BCAT1: variants seen among roughly 807,000 people sequenced by gnomAD.
BCAT1 encodes branched chain amino acid transaminase 1, also known as branched-chain-amino-acid aminotransferase, cytosolic.
Under a neutral mutation model 52.4 loss-of-function variants are expected in BCAT1, and 48 were observed. The ratio of observed to expected loss-of-function variants is 0.92; its 90% CI spans 0.73 to 1.16. The LOEUF is 1.16. Among genes scored for constraint, BCAT1 ranks in the 50% most tolerant of loss-of-function variants. The probability of loss-of-function intolerance (pLI) is 0.00; values close to 1 mark genes in which losing one functional copy is unlikely to be tolerated. For synonymous variants in BCAT1, 167 were observed against 161.3 expected, an observed-to-expected ratio of 1.04 and a Z score of -0.27; for missense variants, 451 against 457.1, an observed-to-expected ratio of 0.99 and a Z score of 0.12.
At chr12:24,930,926 A>C (rs1168434988) in intron 1 of BCAT1, among the ~76,000 whole-genome samples, 1 of 121,468 alleles carries the variant, frequency 8.2e-6, no homozygotes, top group African/African-American at 3.3e-5. Flanking sequence ...TTTGAGATAG[A>C]GTCTTGCTCT....
At chr12:24,946,893 C>A (rs535163414) in intron 1 of BCAT1, among the ~76,000 whole-genome samples, 1 of 152,146 alleles carries the variant, frequency 6.6e-6, no homozygotes, top group African/African-American at 2.4e-5. Context: ...AAGAGAAATT[C>A]TTGCGTAAAA....
intron 9 of BCAT1, among the ~76,000 whole-genome samples, chr12:24,831,041 G>A (rs907003092): frequency 6.6e-6 from 1 of 152,094 alleles, no homozygotes; most frequent in African/African-American, 2.4e-5. Flanking sequence ...AACTACACAA[G>A]TTCACTTATA....
intron 10 of BCAT1, among the ~76,000 whole-genome samples, chr12:24,818,647 T>C (rs1184682835): frequency 6.6e-6 from 1 of 152,206 alleles, no homozygotes; most frequent in Non-Finnish European, 1.5e-5. Flanking sequence ...TCCCATGGAT[T>C]TTAACAGAGA....
chr12:24,856,538 A>G (rs1229056158), intron 5 of BCAT1, among the ~76,000 whole-genome samples: 5 of 151,470 alleles, frequency 3.3e-5, no homozygotes, highest in African/African-American at 1.2e-4. Flanking sequence ...AGAAGAGGAA[A>G]AGACACCAGA....
chr12:24,916,784 C>G (rs950489983), intron 1 of BCAT1, among the ~76,000 whole-genome samples: 11 of 152,190 alleles, frequency 7.2e-5, no homozygotes, highest in African/African-American at 2.4e-4. Context: ...TGTGATCCAC[C>G]GGCCTCGCCC....
At chr12:24,836,344 C>G in intron 8 of BCAT1, 167 bp downstream of exon 8, 1 of 628,288 alleles carries the variant, frequency 1.6e-6, no homozygotes, top group Non-Finnish European at 2.7e-6. Context: ...TTTTAATAGT[C>G]TTGCCAAGAA....
chr12:24,885,788 T>C (rs1292402400), intron 3 of BCAT1, among the ~76,000 whole-genome samples: 1 of 152,100 alleles, frequency 6.6e-6, no homozygotes, highest in East Asian at 1.9e-4. Context: ...GAGGGGAAAG[T>C]ACCGCCCGTT....
intron 5 of BCAT1, among the ~76,000 whole-genome samples, chr12:24,868,359 T>C (rs1397400140): frequency 6.6e-6 from 1 of 152,206 alleles, no homozygotes; most frequent in Non-Finnish European, 1.5e-5. Flanking sequence ...TATCCGTATG[T>C]GCCAAAATGA....
At chr12:24,906,938 C>G (rs1267784882) in intron 1 of BCAT1, among the ~76,000 whole-genome samples, 3 of 152,158 alleles carry the variant, frequency 2.0e-5, no homozygotes, top group Admixed American at 2.0e-4. Flanking sequence ...AGCATGACAA[C>G]CAGTGAAAAT....
Position 24,881,426 on chromosome 12 carries a change from G to GA in BCAT1, c.280-16dup, listed in dbSNP as rs773152571. 3 of 1,554,184 alleles carry GA rather than the reference G, an allele frequency of 1.9e-6. No individual in the cohort carries two copies. Among genetic ancestry groups the GA allele is most frequent in the Middle Eastern group, 1.7e-4 (1 of 5,938 alleles). ...CCTTCAAATAACTGGAGATCAAAGA[G>GA]AAAAAATCTTAGAGGGTAACCAAAA... On this transcript the variant is annotated splice_polypyrimidine_tract_variant and intron_variant, in intron 3 of 10. Coordinates refer to ENST00000261192, the MANE Select transcript of BCAT1 (RefSeq NM_005504.7).
chr12:24,920,988 G>A (rs944301957), intron 1 of BCAT1, among the ~76,000 whole-genome samples: 3 of 152,116 alleles, frequency 2.0e-5, no homozygotes, highest in Non-Finnish European at 4.4e-5. Context: ...TTTTGTCCTC[G>A]TGGAGTTGGG....
intron 5 of BCAT1, among the ~76,000 whole-genome samples, chr12:24,866,467 G>C (rs376696370): frequency 1.3e-5 from 2 of 152,204 alleles, no homozygotes; most frequent in Non-Finnish European, 2.9e-5. Flanking sequence ...TCAACAGCCC[G>C]AGGGCTGAGG....
intron 1 of BCAT1, among the ~76,000 whole-genome samples, chr12:24,910,296 G>C (rs1231105001): frequency 7.9e-5 from 12 of 151,966 alleles, no homozygotes; most frequent in Non-Finnish European, 1.2e-4. Flanking sequence ...AGGATCACTT[G>C]AACCCAGGAG....
chr12:24,853,342 A>C (rs1941572279), intron 5 of BCAT1, among the ~76,000 whole-genome samples: 1 of 152,212 alleles, frequency 6.6e-6, no homozygotes, highest in Non-Finnish European at 1.5e-5. Flanking sequence ...ATGAATTAAC[A>C]CAGAAACAGA....
chr12:24,929,558 C>G (rs902926562), intron 1 of BCAT1, among the ~76,000 whole-genome samples: 3 of 152,084 alleles, frequency 2.0e-5, no homozygotes, highest in African/African-American at 4.8e-5. Context: ...TCTCATCAAC[C>G]AGGGAAGATT....
At chr12:24,914,083 C>CTT (rs34717106) in intron 1 of BCAT1, among the ~76,000 whole-genome samples, 41 of 135,722 alleles carry the variant, frequency 3.0e-4, no homozygotes, top group East Asian at 2.5e-3. Flanking sequence ...GGTAGATTAT[C>CTT]TTTTTTTTTT....
chr12:24,852,503 AAAG>A (rs1941546068), intron 5 of BCAT1, among the ~76,000 whole-genome samples: 1 of 152,198 alleles, frequency 6.6e-6, no homozygotes. Context: ...CATTATACTA[AAAG>A]AAGTAACAAT....
chr12:24,948,861 G>A, intron 1 of BCAT1, 66 bp downstream of exon 1: 14 of 1,547,670 alleles, frequency 9.0e-6, no homozygotes, highest in Non-Finnish European at 1.2e-5. Context: ...ATGTTTCTTG[G>A]AGAAATCGCC....
intron 5 of BCAT1, among the ~76,000 whole-genome samples, chr12:24,872,739 T>A (rs1942215239): frequency 1.3e-5 from 2 of 152,358 alleles, no homozygotes; most frequent in East Asian, 1.9e-4. Context: ...ACAGTCCTGG[T>A]TGGGCTAACT....
Sources: gnomAD v4.1 joint callset for allele counts (sites outside exome capture counted in the v4.1 genomes callset) on GRCh38, gnomAD v4.1.1 for gene constraint, MANE v1.5 for transcripts, NCBI Gene and HGNC (gene_info 2026-07-23, HGNC 2026-07-21) for gene names.